Variants in INPP4B observed in about 807,000 individuals in gnomAD.
INPP4B encodes inositol polyphosphate-4-phosphatase type II B.
In INPP4B, 55 loss-of-function variants were observed where a neutral mutation model predicts 122.5. The observed-to-expected ratio is 0.45, with a 90% confidence interval of 0.36 to 0.56. INPP4B has a LOEUF of 0.56. Among genes scored for constraint, INPP4B ranks in the 20% least tolerant of loss-of-function variants. The pLI is 0.00. For missense variants in INPP4B, 1,000 were observed against 1,097.7 expected, an observed-to-expected ratio of 0.91 and a Z score of 1.26; for synonymous variants, 403 against 388.7, an observed-to-expected ratio of 1.04 and a Z score of -0.43.
At chr4:142,126,499 A>C (rs1798679095) in intron 18 of INPP4B, among the ~76,000 whole-genome samples, 1 of 152,150 alleles carries the variant, frequency 6.6e-6, no homozygotes, top group Non-Finnish European at 1.5e-5. Context: ...ATTCTTAGTA[A>C]TACTCTATGA....
intron 25 of INPP4B, among the ~76,000 whole-genome samples, chr4:142,065,118 G>T (rs1762839841): frequency 6.6e-6 from 1 of 152,004 alleles, no homozygotes; most frequent in Admixed American, 6.6e-5. Flanking sequence ...GTTTCAAAAA[G>T]AATTTAAGGC....
chr4:142,115,168 A>G (rs1483640722), intron 21 of INPP4B, among the ~76,000 whole-genome samples: 1 of 152,166 alleles, frequency 6.6e-6, no homozygotes, highest in Non-Finnish European at 1.5e-5. Context: ...ATGTGAAAAG[A>G]CCAAATCTAC....
chr4:142,579,916 T>TAGAC (rs1339503971), intron 2 of INPP4B, among the ~76,000 whole-genome samples: 1 of 151,368 alleles, frequency 6.6e-6, no homozygotes, highest in African/African-American at 2.4e-5. Context: ...GATAGATAGA[T>TAGAC]AGATAGATAG....
chr4:142,388,897 A>G (rs565708629), intron 7 of INPP4B, among the ~76,000 whole-genome samples: 1 of 152,116 alleles, frequency 6.6e-6, no homozygotes, highest in African/African-American at 2.4e-5. Context: ...TAGGCTGTAG[A>G]AACTGCATAT....
At chr4:142,185,231 G>A (rs1832622255) in intron 15 of INPP4B, among the ~76,000 whole-genome samples, 1 of 152,018 alleles carries the variant, frequency 6.6e-6, no homozygotes, top group South Asian at 2.1e-4. Flanking sequence ...TGGGGTGGAT[G>A]GTCATACCTT....
At chr4:142,398,401 A>AAAAAAAT (rs1800278058) in intron 7 of INPP4B, among the ~76,000 whole-genome samples, 2 of 28,500 alleles carry the variant, frequency 7.0e-5, no homozygotes, top group Non-Finnish European at 6.4e-5. Flanking sequence ...AAAAAAAAAA[A>AAAAAAAT]ATATATATAT....
chr4:142,782,129 C>T (rs1323148632), intron 1 of INPP4B, among the ~76,000 whole-genome samples: 2 of 152,008 alleles, frequency 1.3e-5, no homozygotes, highest in Non-Finnish European at 2.9e-5. Context: ...CTATCCCTCC[C>T]CCCTTCCCAC....
chr4:142,401,920 T>C (rs538353176), intron 7 of INPP4B, among the ~76,000 whole-genome samples: 31 of 152,316 alleles, frequency 2.0e-4, no homozygotes, highest in Non-Finnish European at 2.4e-4. Context: ...TGCATAGAAA[T>C]CCCTTCAATA....
chr4:142,391,918 G>A (rs1797821707), intron 7 of INPP4B, among the ~76,000 whole-genome samples: 1 of 152,124 alleles, frequency 6.6e-6, no homozygotes, highest in Non-Finnish European at 1.5e-5. Context: ...TTTTCTGATT[G>A]TATAAAAGCT....
chr4:142,362,167 G>A lies in INPP4B; in HGVS notation c.372+40771C>T, dbSNP rs6814089. The stretch of plus-strand genomic sequence containing the variant: ...GACAATAAAACTCTCATGAGGGTGC[G>A]TGGGTGGGAGCCAACTCAGCTCAGC... On this transcript the variant is annotated intron_variant, in intron 7 of 25. Coordinates refer to ENST00000262992, the MANE Select transcript of INPP4B (RefSeq NM_001101669.3). Among the ~76,000 whole-genome samples the A allele has an allele frequency of 1.7e-3, 259 of 152,138 alleles. 1 individual carries two copies. The highest frequency in any genetic ancestry group is 5.7e-3 in the African/African-American group (236 of 41,542).
chr4:142,521,097 C>T (rs920757619), intron 2 of INPP4B, among the ~76,000 whole-genome samples: 2 of 150,892 alleles, frequency 1.3e-5, no homozygotes, highest in Admixed American at 6.6e-5. Flanking sequence ...TATATGTCTA[C>T]CTAAAAGGGA....
At chr4:142,744,325 C>G (rs1022965571) in intron 1 of INPP4B, among the ~76,000 whole-genome samples, 2 of 151,478 alleles carry the variant, frequency 1.3e-5, no homozygotes, top group African/African-American at 4.8e-5. Context: ...CAATATCCAA[C>G]AACTACCATA....
chr4:142,301,081 C>A (rs562593932), intron 9 of INPP4B, among the ~76,000 whole-genome samples: 46 of 152,234 alleles, frequency 3.0e-4, no homozygotes, highest in African/African-American at 1.1e-3. Flanking sequence ...AGATTTTCAG[C>A]TTTTAAAACA....
At chr4:142,031,554 CAAAGT>C (rs1435482279) in intron 25 of INPP4B, among the ~76,000 whole-genome samples, 1 of 152,136 alleles carries the variant, frequency 6.6e-6, no homozygotes, top group Admixed American at 6.6e-5. Context: ...CAATCAGTGA[CAAAGT>C]AAAAGACTGC....
chr4:142,834,566 C>T (rs1459852536), intron 1 of INPP4B, among the ~76,000 whole-genome samples: 1 of 152,086 alleles, frequency 6.6e-6, no homozygotes, highest in East Asian at 1.9e-4. Context: ...CCTTCTTGAA[C>T]TAAGACTGTA....
intron 1 of INPP4B, among the ~76,000 whole-genome samples, chr4:142,832,723 A>G (rs1782300219): frequency 6.6e-6 from 1 of 151,988 alleles, no homozygotes; most frequent in African/African-American, 2.4e-5. Flanking sequence ...TTGCTTTTAG[A>G]CAGCTCATGT....
chr4:142,677,556 G>C (rs1757994305), intron 2 of INPP4B, among the ~76,000 whole-genome samples: 1 of 151,910 alleles, frequency 6.6e-6, no homozygotes, highest in Non-Finnish European at 1.5e-5. Flanking sequence ...TGTTTATTGT[G>C]GCACTGTTCA....
At chr4:142,416,160 AAT>A in intron 5 of INPP4B, among the ~76,000 whole-genome samples, 1 of 152,312 alleles carries the variant, frequency 6.6e-6, no homozygotes, top group Non-Finnish European at 1.5e-5. Flanking sequence ...TAATAAAAAA[AAT>A]AGTGTCAGGC....
At chr4:142,118,077 A>G (rs1794628332) in intron 21 of INPP4B, among the ~76,000 whole-genome samples, 1 of 152,198 alleles carries the variant, frequency 6.6e-6, no homozygotes, top group African/African-American at 2.4e-5. Flanking sequence ...CTAGGAATCC[A>G]ACTTACAAGG....
Sources: gnomAD v4.1 joint callset for allele counts (sites outside exome capture counted in the v4.1 genomes callset) on GRCh38, gnomAD v4.1.1 for gene constraint, MANE v1.5 for transcripts, NCBI Gene and HGNC (gene_info 2026-07-23, HGNC 2026-07-21) for gene names.